Variants in COA1 observed in about 807,000 individuals in gnomAD.
COA1 encodes cytochrome c oxidase assembly factor 1 homolog.
A neutral mutation model predicts 16.0 loss-of-function variants in COA1; 13 were observed. The observed-to-expected ratio is 0.81, with a 90% CI of 0.53 to 1.29. COA1 has a LOEUF of 1.29. COA1 is among the 50% of genes most tolerant of loss of function. The pLI, the probability that COA1 is intolerant of heterozygous loss-of-function variation, is 0.00. For missense variants in COA1, 179 were observed against 177.0 expected (o/e 1.01, Z -0.06); for synonymous variants, 65 against 65.7 (o/e 0.99, Z 0.05).
chr7:43,722,093 T>C (rs2095517975), intron 1 of COA1, among the ~76,000 whole-genome samples: 1 of 20,450 alleles, frequency 4.9e-5, no homozygotes, highest in Non-Finnish European at 6.9e-5. Flanking sequence ...TCTGGTAACT[T>C]TTTTTTTTTT....
intron 1 of COA1, among the ~76,000 whole-genome samples, chr7:43,661,084 T>C (rs2092375322): frequency 6.6e-6 from 1 of 152,218 alleles, no homozygotes; most frequent in Admixed American, 6.5e-5. Flanking sequence ...AATTTTAGTG[T>C]TAGAAGAGGT....
intron 6 of COA1, among the ~76,000 whole-genome samples, chr7:43,612,735 T>A (rs1307268239): frequency 6.6e-6 from 1 of 151,984 alleles, no homozygotes; most frequent in African/African-American, 2.4e-5. Flanking sequence ...AGAGCCTGAA[T>A]GATCAATTTG....
chr7:43,701,536 A>G (rs778303261), intron 1 of COA1, among the ~76,000 whole-genome samples: 10 of 152,234 alleles, frequency 6.6e-5, no homozygotes, highest in African/African-American at 2.4e-4. Context: ...CTGGGTGCCC[A>G]TATCTTTGCT....
At chr7:43,628,033 C>T (rs766823628) in intron 6 of COA1, among the ~76,000 whole-genome samples, 1 of 152,182 alleles carries the variant, frequency 6.6e-6, no homozygotes, top group African/African-American at 2.4e-5. Flanking sequence ...GTTGCCCAGG[C>T]TGGAGTGCAA....
intron 1 of COA1, among the ~76,000 whole-genome samples, chr7:43,702,499 C>T (rs2094788298): frequency 6.6e-6 from 1 of 152,104 alleles, no homozygotes; most frequent in Admixed American, 6.6e-5. Context: ...TTACTGTAGC[C>T]TTGTAGCATA....
intron 6 of COA1, chr7:43,619,596 G>A: frequency 6.2e-7 from 1 of 1,611,814 alleles, no homozygotes; most frequent in Non-Finnish European, 8.5e-7. Context: ...TTTTCTTTTA[G>A]CCTCAGAATA....
chr7:43,653,222 G>C (rs2091159305), intron 1 of COA1, among the ~76,000 whole-genome samples: 1 of 152,094 alleles, frequency 6.6e-6, no homozygotes, highest in Non-Finnish European at 1.5e-5. Flanking sequence ...TGAGGCAGGA[G>C]AATGGCGTGA....
chr7:43,710,394 A>ATATATTTT (rs1417053077), intron 1 of COA1, among the ~76,000 whole-genome samples: 3 of 135,390 alleles, frequency 2.2e-5, no homozygotes, highest in African/African-American at 8.1e-5. Flanking sequence ...ATATATATAT[A>ATATATTTT]TTTTTAAGAT....
At chr7:43,628,888 T>C (rs1424259035) in intron 6 of COA1, among the ~76,000 whole-genome samples, 1 of 152,238 alleles carries the variant, frequency 6.6e-6, no homozygotes, top group Non-Finnish European at 1.5e-5. Flanking sequence ...TTATGAATTT[T>C]TGTTTTATAG....
intron 1 of COA1, among the ~76,000 whole-genome samples, chr7:43,711,012 G>T (rs1326094728): frequency 1.4e-5 from 2 of 146,162 alleles, no homozygotes; most frequent in Non-Finnish European, 1.5e-5. Context: ...TTTGTTGATG[G>T]TTTTTTTTTT....
chr7:43,632,068 G>GT (rs2085231945), intron 6 of COA1: 1 of 152,272 alleles, frequency 6.6e-6, no homozygotes, highest in South Asian at 2.1e-4. Flanking sequence ...ATGCAATGCT[G>GT]TTTGACAGCA....
chr7:43,674,024 G>A (rs2093397847), intron 1 of COA1, among the ~76,000 whole-genome samples: 1 of 152,018 alleles, frequency 6.6e-6, no homozygotes, highest in South Asian at 2.1e-4. Context: ...GGAAGGTAAG[G>A]ACAGAAAAAC....
intron 1 of COA1, among the ~76,000 whole-genome samples, chr7:43,690,747 GT>G (rs2094240539): frequency 6.6e-6 from 1 of 152,112 alleles, no homozygotes; most frequent in Non-Finnish European, 1.5e-5. Context: ...GGCAGAGATT[GT>G]CCTAATGAAT....
intron 1 of COA1, among the ~76,000 whole-genome samples, chr7:43,670,013 T>G (rs1427693807): frequency 6.6e-6 from 1 of 152,146 alleles, no homozygotes; most frequent in Non-Finnish European, 1.5e-5. Context: ...CAGGGAGACT[T>G]AGCTTGAGAT....
chr7:43,608,545 C>T, exon 7 of COA1: 1 of 885,484 alleles, frequency 1.1e-6, no homozygotes, highest in East Asian at 2.7e-5. Flanking sequence ...CTCCTATCCT[C>T]TAGCCAGTTA....
Position 43,705,011 on chromosome 7 carries a change from T to A in COA1, c.-39+24418A>T, listed in dbSNP as rs143627441. The stretch of plus-strand genomic sequence containing the variant: ...TATATTCTTTGATGCTCCTGAAAGT[T>A]TGACTAATATTTGTTTGGTTTAGTC... On this transcript the variant is annotated intron_variant, in intron 1 of 5. Transcript: ENST00000223336. 5.0e-3 allele frequency among the ~76,000 whole-genome samples: 769 copies of A among 152,342 alleles called. 7 individuals are homozygous for A. The highest frequency in any genetic ancestry group is 0.017 in the African/African-American group (727 of 41,578).
At chr7:43,691,568 A>C (rs992650864) in intron 1 of COA1, among the ~76,000 whole-genome samples, 5 of 152,224 alleles carry the variant, frequency 3.3e-5, no homozygotes, top group African/African-American at 1.2e-4. Context: ...TAGCTCTAAC[A>C]TATAGTCTGC....
At chr7:43,685,500 C>T (rs904738129) in intron 1 of COA1, among the ~76,000 whole-genome samples, 1 of 152,106 alleles carries the variant, frequency 6.6e-6, no homozygotes, top group African/African-American at 2.4e-5. Context: ...TTTTGGTTTG[C>T]GGTGGGGTGG....
chr7:43,641,615 C>T (rs933131125), intron 4 of COA1: 7 of 151,856 alleles, frequency 4.6e-5, no homozygotes, highest in Admixed American at 4.6e-4. Flanking sequence ...TGACCTGGAC[C>T]CTAAAGAACA....
Sources: gnomAD v4.1 joint callset for allele counts (sites outside exome capture counted in the v4.1 genomes callset) on GRCh38, gnomAD v4.1.1 for gene constraint, MANE v1.5 for transcripts, NCBI Gene and HGNC (gene_info 2026-07-23, HGNC 2026-07-21) for gene names.